The following PCBP3 variants were observed in gnomAD, a reference collection of about 807,000 sequenced individuals.
The protein encoded by PCBP3 is poly(rC) binding protein 3, also known as poly(rC)-binding protein 3.
A neutral mutation model predicts 52.7 loss-of-function variants in PCBP3; 25 were observed. The observed-to-expected ratio is 0.47, with a 90% confidence interval of 0.35 to 0.66. The LOEUF (loss-of-function observed/expected upper bound fraction) is 0.66, where lower values mean the gene tolerates loss of function less well. Among genes scored for constraint, PCBP3 ranks in the 30% least tolerant of loss-of-function variants. PCBP3 has a pLI of 0.01. For synonymous variants in PCBP3, 162 were observed against 183.0 expected (o/e 0.89, Z 0.93); for missense variants, 391 against 490.3 (o/e 0.80, Z 1.91).
chr21:45,902,539 G>A (rs951136416), intron 9 of PCBP3, among the ~76,000 whole-genome samples: 5 of 152,204 alleles, frequency 3.3e-5, no homozygotes, highest in African/African-American at 7.2e-5. Context: ...CATCCTGGCC[G>A]TTGTCTGATG....
intron 5 of PCBP3, among the ~76,000 whole-genome samples, chr21:45,889,421 G>C (rs1197525921): frequency 6.6e-6 from 1 of 152,220 alleles, no homozygotes; most frequent in Non-Finnish European, 1.5e-5. Flanking sequence ...AGCTCTGAAT[G>C]CAGGGACAGC....
chr21:45,930,739 TC>T, intron 14 of PCBP3, 46 bp from the exon 15 acceptor site: 1 of 896,678 alleles, frequency 1.1e-6, no homozygotes, highest in Non-Finnish European at 1.9e-6. Context: ...ACCCTGCTTA[TC>T]TCCTTGAGGG....
At chr21:45,868,994 G>A (rs1157096919) in intron 5 of PCBP3, among the ~76,000 whole-genome samples, 1 of 152,242 alleles carries the variant, frequency 6.6e-6, no homozygotes, top group Non-Finnish European at 1.5e-5. Flanking sequence ...CGCCCCAGCT[G>A]GAGGTTTATT....
chr21:45,728,639 T>C (rs2085235257), intron 2 of PCBP3: 1 of 152,184 alleles, frequency 6.6e-6, no homozygotes, highest in South Asian at 2.1e-4. Flanking sequence ...TAGTAAGAAA[T>C]TGATATTATT....
At chr21:45,789,840 G>A (rs1187517841) in intron 4 of PCBP3, among the ~76,000 whole-genome samples, 4 of 152,150 alleles carry the variant, frequency 2.6e-5, no homozygotes, top group Admixed American at 2.6e-4. Flanking sequence ...CTGGTGTCTG[G>A]GTAGAGAATA....
chr21:45,780,607 G>A (rs900399170), intron 4 of PCBP3, among the ~76,000 whole-genome samples: 2 of 152,236 alleles, frequency 1.3e-5, no homozygotes, highest in Non-Finnish European at 2.9e-5. Context: ...GCCTGATCAG[G>A]ACAGGAGAGT....
chr21:45,774,773 A>G (rs997054655), intron 4 of PCBP3, among the ~76,000 whole-genome samples: 9 of 152,250 alleles, frequency 5.9e-5, no homozygotes, highest in Middle Eastern at 3.4e-3. Context: ...TGAGATGGCC[A>G]TATGGTTTTT....
chr21:45,669,533 A>C (rs2081011617), intron 2 of PCBP3, among the ~76,000 whole-genome samples: 1 of 151,848 alleles, frequency 6.6e-6, no homozygotes, highest in South Asian at 2.1e-4. Flanking sequence ...TCCATCTCCA[A>C]TACTCTTTTC....
intron 4 of PCBP3, among the ~76,000 whole-genome samples, chr21:45,844,594 TGCCAATGGTGCTCCCC>T (rs2093766454): frequency 6.6e-6 from 1 of 152,110 alleles, no homozygotes; most frequent in Non-Finnish European, 1.5e-5. Context: ...TGGTGCTCCC[TGCCAATGGTGCTCCCC>T]GCGGCATGGT....
intron 2 of PCBP3, among the ~76,000 whole-genome samples, chr21:45,688,652 TAA>T (rs1040069988): frequency 4.6e-5 from 7 of 151,676 alleles, no homozygotes; most frequent in African/African-American, 1.7e-4. Flanking sequence ...TGAAAAACAG[TAA>T]AAAGAATATG....
rs374847043 is a variant in PCBP3 at position 45,723,242 on chromosome 21, G to A, written c.-199-12150G>A. On this transcript the variant is annotated intron_variant, in intron 2 of 17. Coordinates refer to ENST00000681687, the MANE Select transcript of PCBP3 (RefSeq NM_001384156.1). ...TCTGAGCACATGGCCTGCCGTCTGC[G>A]GCCTAGTGGCCTGCTCTCGAGGGAG... is the stretch of plus-strand genomic sequence containing the variant. 2.8e-4 allele frequency among the ~76,000 whole-genome samples: 43 copies of A among 152,280 alleles called. 1 individual carries two copies. The highest frequency in any genetic ancestry group is 1.4e-3 in the East Asian group (7 of 5,168).
intron 4 of PCBP3, among the ~76,000 whole-genome samples, chr21:45,778,536 A>G (rs1291223362): frequency 6.6e-6 from 1 of 152,074 alleles, no homozygotes; most frequent in African/African-American, 2.4e-5. Context: ...GGCAATGTAC[A>G]TTTATGTTGG....
chr21:45,808,632 G>T (rs566558081), intron 4 of PCBP3, among the ~76,000 whole-genome samples: 4 of 152,154 alleles, frequency 2.6e-5, no homozygotes, highest in Admixed American at 6.5e-5. Context: ...ACAGTATGGC[G>T]ATTCCTCAAG....
chr21:45,646,053 T>TTCTCTCTCTCTCTCTC (rs10682556), intron 1 of PCBP3, among the ~76,000 whole-genome samples: 1 of 71,452 alleles, frequency 1.4e-5, no homozygotes, highest in African/African-American at 4.7e-5. Flanking sequence ...TGTCACCTGT[T>TTCTCTCTCTCTCTCTC]TCTCTCTCTC....
intron 4 of PCBP3, among the ~76,000 whole-genome samples, chr21:45,825,819 C>T (rs924339960): frequency 1.3e-5 from 2 of 151,762 alleles, no homozygotes; most frequent in Admixed American, 6.6e-5. Context: ...GACGTGGGGG[C>T]GCATGTGGAA....
At chr21:45,892,477 G>C (rs868193223) in intron 5 of PCBP3, among the ~76,000 whole-genome samples, 4 of 132,986 alleles carry the variant, frequency 3.0e-5, no homozygotes, top group African/African-American at 6.0e-5. Flanking sequence ...GCGTGGGGGG[G>C]GGGGCGGTCC....
chr21:45,776,470 TTCTC>T (rs142762678), intron 4 of PCBP3, among the ~76,000 whole-genome samples: 31 of 146,786 alleles, frequency 2.1e-4, no homozygotes, highest in African/African-American at 3.0e-4. Flanking sequence ...GAGTCTCTCT[TTCTC>T]TCTCTCTCTC....
chr21:45,899,673 G>A, intron 7 of PCBP3, 51 bp downstream of exon 7: 1 of 1,445,396 alleles, frequency 6.9e-7, no homozygotes. Flanking sequence ...TAAGGGGATG[G>A]TGAGGATGGC....
intron 4 of PCBP3, among the ~76,000 whole-genome samples, chr21:45,769,333 C>T (rs185749525): frequency 7.2e-5 from 11 of 152,324 alleles, no homozygotes; most frequent in Non-Finnish European, 1.2e-4. Flanking sequence ...GGGTAAAACT[C>T]GCCCTCCCAA....
Sources: gnomAD v4.1 joint callset for allele counts (sites outside exome capture counted in the v4.1 genomes callset) on GRCh38, gnomAD v4.1.1 for gene constraint, MANE v1.5 for transcripts, NCBI Gene and HGNC (gene_info 2026-07-23, HGNC 2026-07-21) for gene names.